Variants in MAF observed in about 807,000 individuals in gnomAD.
MAF encodes transcription factor Maf.
A neutral mutation model predicts 22.0 loss-of-function variants in MAF; 10 were observed. The ratio of observed to expected loss-of-function variants is 0.45; its 90% confidence interval spans 0.28 to 0.77. The LOEUF (loss-of-function observed/expected upper bound fraction) is 0.77, where lower values mean the gene tolerates loss of function less well. Among genes scored for constraint, MAF ranks in the 30% least tolerant of loss-of-function variants. MAF has a pLI of 0.12. For missense variants in MAF, 544 were observed against 548.4 expected, an observed-to-expected ratio of 0.99 and a Z score of 0.08; for synonymous variants, 337 against 255.8, an observed-to-expected ratio of 1.32 and a Z score of -3.03.
the MAF span, among the ~76,000 whole-genome samples, chr16:79,389,459 T>C: frequency 1.3e-5 from 2 of 152,086 alleles, no homozygotes; most frequent in East Asian, 1.9e-4. Flanking sequence ...GGTTTCACCA[T>C]GTTTGTTCAC....
At chr16:79,292,906 G>A in the MAF span, among the ~76,000 whole-genome samples, 1 of 152,106 alleles carries the variant, frequency 6.6e-6, no homozygotes, top group Non-Finnish European at 1.5e-5. Flanking sequence ...AAATGCCATG[G>A]CAACATAAGA....
the MAF span, among the ~76,000 whole-genome samples, chr16:79,381,553 G>C: frequency 1.3e-5 from 2 of 152,190 alleles, no homozygotes; most frequent in African/African-American, 2.4e-5. Flanking sequence ...ATGAAGATTA[G>C]AGCCCTAGAT....
the MAF span, among the ~76,000 whole-genome samples, chr16:79,459,561 G>T: frequency 6.6e-6 from 1 of 151,762 alleles, no homozygotes; most frequent in Admixed American, 6.6e-5. Context: ...ATTTCAATAA[G>T]TTCTTACTTA....
At chr16:79,385,453 G>C in the MAF span, among the ~76,000 whole-genome samples, 3 of 151,990 alleles carry the variant, frequency 2.0e-5, no homozygotes, top group Non-Finnish European at 4.4e-5. Flanking sequence ...CTCTATGTAA[G>C]AACAAAAATG....
the MAF span, among the ~76,000 whole-genome samples, chr16:79,268,717 G>A: frequency 6.6e-6 from 1 of 152,154 alleles, no homozygotes; most frequent in African/African-American, 2.4e-5. Flanking sequence ...GCAACAGGAA[G>A]CCCACCAACT....
At chr16:79,283,755 T>A in the MAF span, among the ~76,000 whole-genome samples, 2 of 152,134 alleles carry the variant, frequency 1.3e-5, no homozygotes, top group African/African-American at 4.8e-5. Context: ...ATCTGAGAAC[T>A]AAGCACAGGC....
the MAF span, among the ~76,000 whole-genome samples, chr16:79,481,048 A>T: frequency 1.1e-4 from 17 of 152,130 alleles, no homozygotes; most frequent in Non-Finnish European, 2.5e-4. Context: ...GTGTATGTTT[A>T]TTCACTTAGT....
chr16:79,467,595 C>G, the MAF span, among the ~76,000 whole-genome samples: 1 of 152,148 alleles, frequency 6.6e-6, no homozygotes. Context: ...CAGTGGTTCT[C>G]AGAATGGGGT....
At chr16:79,534,738 TA>T in the MAF span, among the ~76,000 whole-genome samples, 2 of 151,686 alleles carry the variant, frequency 1.3e-5, no homozygotes, top group African/African-American at 4.8e-5. Flanking sequence ...AAGTATAATT[TA>T]AAAAAAAGAA....
the MAF span, among the ~76,000 whole-genome samples, chr16:79,265,105 T>C: frequency 6.6e-6 from 1 of 152,196 alleles, no homozygotes; most frequent in Non-Finnish European, 1.5e-5. Context: ...GGAGGTAATA[T>C]ATTCAAAGCA....
the MAF span, among the ~76,000 whole-genome samples, chr16:79,421,810 C>T: frequency 2.0e-5 from 3 of 152,054 alleles, no homozygotes; most frequent in African/African-American, 7.3e-5. Context: ...CAGAGTCTTG[C>T]TCTATCCCCC....
At chr16:79,431,602 A>G in the MAF span, among the ~76,000 whole-genome samples, 3 of 152,212 alleles carry the variant, frequency 2.0e-5, no homozygotes, top group Non-Finnish European at 4.4e-5. Flanking sequence ...TTTGAAAGTT[A>G]TAATTGGAGA....
chr16:79,254,805 G>A, the MAF span, among the ~76,000 whole-genome samples: 12 of 152,138 alleles, frequency 7.9e-5, no homozygotes, highest in South Asian at 1.5e-3. Flanking sequence ...TGAACTCTAC[G>A]CACCAACCTT....
chr16:79,324,687 G>A, the MAF span, among the ~76,000 whole-genome samples: 4 of 152,178 alleles, frequency 2.6e-5, no homozygotes, highest in Non-Finnish European at 5.9e-5. Flanking sequence ...ACAGAAAGGG[G>A]AGGAGGCACA....
At chr16:79,223,157 A>T in the MAF span, among the ~76,000 whole-genome samples, 1 of 151,866 alleles carries the variant, frequency 6.6e-6, no homozygotes, top group East Asian at 1.9e-4. Flanking sequence ...AACGGACAAC[A>T]TAACAGTCTC....
the MAF span, among the ~76,000 whole-genome samples, chr16:79,347,378 G>T: frequency 2.6e-4 from 40 of 152,322 alleles, no homozygotes; most frequent in African/African-American, 9.4e-4. Flanking sequence ...GTAGCAGCGA[G>T]CCAGGAGTCT....
chr16:79,588,068 G>A (rs995496019), intron 1 of MAF, among the ~76,000 whole-genome samples: 1 of 152,206 alleles, frequency 6.6e-6, no homozygotes, highest in Non-Finnish European at 1.5e-5. Context: ...CGAGCACATA[G>A]CTCTTACACT....
the MAF span, among the ~76,000 whole-genome samples, chr16:79,508,932 G>A: frequency 7.2e-4 from 109 of 152,298 alleles, no homozygotes; most frequent in African/African-American, 2.6e-3. Context: ...TTTTGGAACT[G>A]TATAGAGGTG....
the MAF span, among the ~76,000 whole-genome samples, chr16:79,475,471 C>T: frequency 6.6e-6 from 1 of 151,610 alleles, no homozygotes. Context: ...TTCAAATATC[C>T]ATGTACACTT....
Sources: gnomAD v4.1 joint callset for allele counts (sites outside exome capture counted in the v4.1 genomes callset) on GRCh38, gnomAD v4.1.1 for gene constraint, MANE v1.5 for transcripts, NCBI Gene and HGNC (gene_info 2026-07-23, HGNC 2026-07-21) for gene names.